Variants in LSAMP observed in about 807,000 individuals in gnomAD.
LSAMP encodes the protein limbic system-associated membrane protein.
LSAMP carries 7 observed loss-of-function variants against 38.6 expected under a neutral mutation model. The ratio of observed to expected loss-of-function variants is 0.18; its 90% confidence interval spans 0.10 to 0.34. LSAMP has a LOEUF of 0.34. Among genes scored for constraint, LSAMP ranks in the 10% least tolerant of loss-of-function variants. The pLI is 1.00. For synonymous variants in LSAMP, 154 were observed against 166.8 expected, an observed-to-expected ratio of 0.92 and a Z score of 0.59; for missense variants, 313 against 420.0, an observed-to-expected ratio of 0.75 and a Z score of 2.23.
intron 1 of LSAMP, among the ~76,000 whole-genome samples, chr3:116,234,710 A>G (rs2046444502): frequency 6.6e-6 from 1 of 152,168 alleles, no homozygotes; most frequent in Non-Finnish European, 1.5e-5. Flanking sequence ...CTCTATTTGA[A>G]TATTTAATTC....
At chr3:115,910,443 C>A (rs979647443) in intron 3 of LSAMP, among the ~76,000 whole-genome samples, 1 of 152,022 alleles carries the variant, frequency 6.6e-6, no homozygotes, top group Non-Finnish European at 1.5e-5. Flanking sequence ...CTACTCTACC[C>A]CCATTTGATT....
At chr3:115,913,679 A>C (rs1003900941) in intron 3 of LSAMP, among the ~76,000 whole-genome samples, 3 of 152,226 alleles carry the variant, frequency 2.0e-5, no homozygotes, top group African/African-American at 7.2e-5. Flanking sequence ...TTAATTGATG[A>C]GGAATCTCTC....
chr3:116,238,700 A>G (rs890972259), intron 1 of LSAMP, among the ~76,000 whole-genome samples: 7 of 152,186 alleles, frequency 4.6e-5, no homozygotes, highest in Non-Finnish European at 8.8e-5. Context: ...TGACCAATAA[A>G]ATCAGTCCAT....
At chr3:115,862,159 ACT>A (rs1370415699) in intron 3 of LSAMP, among the ~76,000 whole-genome samples, 1 of 152,080 alleles carries the variant, frequency 6.6e-6, no homozygotes, top group African/African-American at 2.4e-5. Flanking sequence ...AAACAAGATC[ACT>A]CACCATTGTC....
intron 1 of LSAMP, among the ~76,000 whole-genome samples, chr3:116,273,138 G>T (rs2046995890): frequency 2.0e-5 from 3 of 152,070 alleles, no homozygotes; most frequent in Admixed American, 2.0e-4. Context: ...TATATCAAAT[G>T]TGAGTTCATG....
intron 3 of LSAMP, among the ~76,000 whole-genome samples, chr3:115,857,029 T>C (rs1470108735): frequency 1.3e-5 from 2 of 152,160 alleles, no homozygotes; most frequent in Non-Finnish European, 2.9e-5. Context: ...GAGTTCTCTT[T>C]TACTGGGGAA....
rs183999430 is a variant in LSAMP at position 116,188,737 on chromosome 3, T to C, written c.156-102181A>G. 9.2e-5 allele frequency among the ~76,000 whole-genome samples: 14 copies of C among 152,330 alleles called. No individual in the cohort carries two copies. In the East Asian group the frequency reaches 2.7e-3, roughly 29 times the overall value. On this transcript the variant is annotated intron_variant, in intron 1 of 6. Transcript: ENST00000490035. ...ACATGTATTTCTTGAGCTTCTACTATATTGCGGGAATGGGGGAATTCAAAA... is the reference window on the plus strand; with the variant it reads ...ACATGTATTTCTTGAGCTTCTACTACATTGCGGGAATGGGGGAATTCAAAA...
intron 1 of LSAMP, among the ~76,000 whole-genome samples, chr3:116,126,509 A>C (rs951855865): frequency 6.6e-6 from 1 of 152,226 alleles, no homozygotes; most frequent in African/African-American, 2.4e-5. Flanking sequence ...CAGTCAGAGC[A>C]CTATGCTGCC....
intron 1 of LSAMP, among the ~76,000 whole-genome samples, chr3:116,405,705 T>C (rs1183267774): frequency 6.6e-6 from 1 of 152,034 alleles, no homozygotes; most frequent in African/African-American, 2.4e-5. Flanking sequence ...AATATTGAGA[T>C]CTATAAGGCT....
At chr3:115,954,726 A>G (rs993639794) in intron 3 of LSAMP, among the ~76,000 whole-genome samples, 5 of 152,172 alleles carry the variant, frequency 3.3e-5, no homozygotes, top group African/African-American at 9.7e-5. Context: ...CATTTATTAG[A>G]TGCCACTTTT....
chr3:116,236,092 G>A (rs1461125), intron 1 of LSAMP, among the ~76,000 whole-genome samples: 108,826 of 151,376 alleles, frequency 0.72, 40,570 homozygotes, highest in South Asian at 0.84. Context: ...AATGAATGAT[G>A]AGACACAATG....
At chr3:116,340,611 C>T (rs1246560712) in intron 1 of LSAMP, among the ~76,000 whole-genome samples, 1 of 151,970 alleles carries the variant, frequency 6.6e-6, no homozygotes, top group Non-Finnish European at 1.5e-5. Context: ...AATCTCCAGA[C>T]ATGCATATAA....
intron 1 of LSAMP, among the ~76,000 whole-genome samples, chr3:116,095,800 C>T (rs1479125539): frequency 1.4e-4 from 21 of 152,170 alleles, no homozygotes; most frequent in Admixed American, 1.4e-3. Flanking sequence ...AAATCATTCT[C>T]TTCTTAATCA....
chr3:115,818,874 G>T (rs538989102), intron 6 of LSAMP, among the ~76,000 whole-genome samples: 1 of 142,454 alleles, frequency 7.0e-6, no homozygotes, highest in South Asian at 2.3e-4. Context: ...CAAAAAAAGT[G>T]ATTGGAGGCT....
Position 116,387,133 on chromosome 3 carries a change from AG to A in LSAMP, c.155+57743del, listed in dbSNP as rs370635284. ...TACTGTAAGCATATGTAACTAAAAA[AG>A]GTTTCTAATAATGTAGCATTGACAG... On this transcript the variant is annotated intron_variant, in intron 1 of 6. Coordinates refer to ENST00000490035, the MANE Select transcript of LSAMP (RefSeq NM_002338.5). Among the ~76,000 whole-genome samples, 73 of 152,310 alleles carry A rather than the reference AG, an allele frequency of 4.8e-4. 1 individual carries two copies. Among genetic ancestry groups the A allele is most frequent in the African/African-American group, 1.7e-3 (69 of 41,550 alleles).
intron 3 of LSAMP, among the ~76,000 whole-genome samples, chr3:115,965,557 T>A (rs1168779616): frequency 6.7e-6 from 1 of 150,298 alleles, no homozygotes; most frequent in East Asian, 1.9e-4. Context: ...CAAACAGTAA[T>A]TGAAAAAATA....
intron 3 of LSAMP, among the ~76,000 whole-genome samples, chr3:115,923,040 C>T (rs1464896093): frequency 6.6e-6 from 1 of 152,170 alleles, no homozygotes; most frequent in Non-Finnish European, 1.5e-5. Context: ...ACTGAACACA[C>T]ACTCTGTTAC....
At chr3:116,370,461 G>A (rs749112402) in intron 1 of LSAMP, among the ~76,000 whole-genome samples, 2 of 152,108 alleles carry the variant, frequency 1.3e-5, no homozygotes, top group African/African-American at 4.8e-5. Flanking sequence ...TTCCGGGAAA[G>A]GCTTGAAGAG....
intron 1 of LSAMP, among the ~76,000 whole-genome samples, chr3:116,404,296 T>C (rs998458549): frequency 2.0e-5 from 3 of 152,172 alleles, no homozygotes; most frequent in Non-Finnish European, 4.4e-5. Flanking sequence ...TAGAGAAAGT[T>C]AGAATTCTCT....
Sources: gnomAD v4.1 joint callset for allele counts (sites outside exome capture counted in the v4.1 genomes callset) on GRCh38, gnomAD v4.1.1 for gene constraint, MANE v1.5 for transcripts, NCBI Gene and HGNC (gene_info 2026-07-23, HGNC 2026-07-21) for gene names.